The following CLASP2 variants were observed in gnomAD, a reference collection of about 807,000 sequenced individuals.
CLASP2 encodes the protein CLIP-associating protein 2.
In CLASP2, 47 loss-of-function variants were observed where a neutral mutation model predicts 194.4. The observed-to-expected ratio is 0.24, with a 90% CI of 0.19 to 0.31. The LOEUF is 0.31. Ranked by LOEUF, CLASP2 falls within the 10% of genes least tolerant of loss-of-function variation. The probability of loss-of-function intolerance (pLI) is 1.00; values close to 1 mark genes in which losing one functional copy is unlikely to be tolerated. For missense variants in CLASP2, 1,445 were observed against 1,823.6 expected, an observed-to-expected ratio of 0.79 and a Z score of 3.78; for synonymous variants, 619 against 633.5, an observed-to-expected ratio of 0.98 and a Z score of 0.34.
At chr3:33,586,764 C>T (rs1304062000) in intron 21 of CLASP2, among the ~76,000 whole-genome samples, 1 of 152,082 alleles carries the variant, frequency 6.6e-6, no homozygotes, top group Non-Finnish European at 1.5e-5. Context: ...ACTACTTCTA[C>T]CCAGTAAGAG....
chr3:33,598,137 A>G (rs1382812919), intron 18 of CLASP2, among the ~76,000 whole-genome samples: 1 of 145,618 alleles, frequency 6.9e-6, no homozygotes, highest in Admixed American at 6.9e-5. Context: ...CTGCGTCTAG[A>G]CTCCTTCAGA....
chr3:33,640,453 C>A (rs2081068864), intron 8 of CLASP2, among the ~76,000 whole-genome samples: 1 of 152,060 alleles, frequency 6.6e-6, no homozygotes, highest in Non-Finnish European at 1.5e-5. Flanking sequence ...ATTATAAGAA[C>A]TGAAAGTTAA....
intron 10 of CLASP2, 53 bp from the exon 11 acceptor site, chr3:33,622,333 G>A: frequency 1.5e-6 from 2 of 1,356,428 alleles, no homozygotes; most frequent in East Asian, 2.6e-5. Flanking sequence ...GCAAAAAAAA[G>A]AAGCTACCTA....
chr3:33,614,863 T>A (rs1577222084), intron 12 of CLASP2, among the ~76,000 whole-genome samples: 1 of 151,974 alleles, frequency 6.6e-6, no homozygotes, highest in African/African-American at 2.4e-5. Flanking sequence ...TGGTGGCAGG[T>A]GCCTGAAAGC....
intron 17 of CLASP2, among the ~76,000 whole-genome samples, 155 bp downstream of exon 17, chr3:33,603,999 T>G (rs554061706): frequency 2.0e-5 from 3 of 152,322 alleles, no homozygotes; most frequent in South Asian, 2.1e-4. Flanking sequence ...TTATTATATA[T>G]GTATACACGT....
At chr3:33,703,080 G>C (rs2092477041) in intron 1 of CLASP2, among the ~76,000 whole-genome samples, 1 of 152,160 alleles carries the variant, frequency 6.6e-6, no homozygotes. Flanking sequence ...CCAAAGGCAT[G>C]GTCCATGAAA....
chr3:33,684,461 C>A lies in CLASP2; in HGVS notation c.547-5G>T. Reference sequence around the variant, plus strand: ...CAATATTGCAGCATCTCTCACCTGTCAAAGAATTCAGAACTTTTTAATAAA... The same window carrying A: ...CAATATTGCAGCATCTCTCACCTGTAAAAGAATTCAGAACTTTTTAATAAA... On this transcript the variant is annotated splice_polypyrimidine_tract_variant and splice_region_variant and intron_variant, in intron 5 of 38. Coordinates refer to ENST00000682230, the MANE Select transcript of CLASP2 (RefSeq NM_001365631.1). The A allele has an allele frequency of 1.3e-6, 2 of 1,562,886 alleles. No homozygotes were observed. The highest frequency in any genetic ancestry group is 1.8e-5 in the Admixed American group (1 of 54,448).
chr3:33,713,305 G>A (rs2093126049), intron 1 of CLASP2, among the ~76,000 whole-genome samples: 1 of 152,098 alleles, frequency 6.6e-6, no homozygotes, highest in Admixed American at 6.5e-5. Context: ...GTAATTAAAA[G>A]GGGCACTGAC....
chr3:33,502,009 G>C (rs1389004793), intron 37 of CLASP2: 1 of 351,864 alleles, frequency 2.8e-6, no homozygotes, highest in Non-Finnish European at 5.2e-6. Flanking sequence ...AGTCTGGAAA[G>C]CTGCACTTCT....
Position 33,498,577 on chromosome 3 carries a change from G to T in CLASP2, c.*54C>A. ...TTGAGAACTTCCTTTCATTGATGAG[G>T]GTGGTCTATCTGTCCTTTCTTTTGA... On this transcript the variant is annotated 3_prime_UTR_variant, in exon 39 of 39. Transcript: ENST00000682230. 1.9e-6 allele frequency: 2 copies of T among 1,075,954 alleles called. No individual in the cohort carries two copies. 66.7% of individuals were successfully genotyped at this position (1,075,954 alleles called of 1,614,324 possible).
At chr3:33,630,773 A>C (rs1335415714) in intron 9 of CLASP2, among the ~76,000 whole-genome samples, 2 of 152,260 alleles carry the variant, frequency 1.3e-5, no homozygotes, top group East Asian at 3.9e-4. Flanking sequence ...CCCTCCGTAT[A>C]GTTGAATAGC....
At chr3:33,501,537 G>A in intron 38 of CLASP2, 115 bp downstream of exon 38, 1 of 624,058 alleles carries the variant, frequency 1.6e-6, no homozygotes, top group Admixed American at 2.9e-5. Context: ...CAAGTTGGAT[G>A]CTCAAAGCCT....
At chr3:33,526,533 G>A (rs2054610777) in intron 34 of CLASP2, among the ~76,000 whole-genome samples, 1 of 152,090 alleles carries the variant, frequency 6.6e-6, no homozygotes, top group Admixed American at 6.6e-5. Flanking sequence ...GTAACAGCAG[G>A]AGACTTCAAC....
At chr3:33,613,647 T>C (rs2075606798) in intron 12 of CLASP2, among the ~76,000 whole-genome samples, 3 of 152,236 alleles carry the variant, frequency 2.0e-5, no homozygotes, top group Admixed American at 2.0e-4. Flanking sequence ...CAAGAAAGTG[T>C]GCTGACATGC....
chr3:33,682,469 T>C (rs2090003280), intron 6 of CLASP2, among the ~76,000 whole-genome samples: 1 of 152,228 alleles, frequency 6.6e-6, no homozygotes, highest in African/African-American at 2.4e-5. Context: ...AGGTTCATTA[T>C]TTTATTCCAC....
chr3:33,506,288 G>T (rs1036796836), intron 37 of CLASP2, among the ~76,000 whole-genome samples: 1 of 136,444 alleles, frequency 7.3e-6, no homozygotes, highest in Non-Finnish European at 1.5e-5. Flanking sequence ...TGAGACAGGA[G>T]AATTGCTTGA....
intron 23 of CLASP2, among the ~76,000 whole-genome samples, chr3:33,578,325 T>C (rs1441410397): frequency 6.6e-6 from 1 of 152,212 alleles, no homozygotes; most frequent in African/African-American, 2.4e-5. Flanking sequence ...TCTCCCTATA[T>C]ATTGCTCTAA....
chr3:33,651,621 CATGTA>C (rs991054984), intron 7 of CLASP2, among the ~76,000 whole-genome samples: 1 of 148,414 alleles, frequency 6.7e-6, no homozygotes, highest in Admixed American at 6.7e-5. Context: ...TCGGGAAAGA[CATGTA>C]TTGAAATGGC....
At chr3:33,594,618 C>T (rs941286889) in intron 20 of CLASP2, among the ~76,000 whole-genome samples, 18 of 151,182 alleles carry the variant, frequency 1.2e-4, no homozygotes, top group African/African-American at 4.4e-4. Context: ...AAAACAAAAA[C>T]ACAAACATGT....
Sources: allele counts gnomAD v4.1 joint callset (sites outside exome capture counted in the v4.1 genomes callset), GRCh38; gene constraint gnomAD v4.1.1; transcripts MANE v1.5; gene names NCBI Gene and HGNC (gene_info 2026-07-23, HGNC 2026-07-21).